Variants in CASZ1 observed in about 807,000 individuals in gnomAD.
CASZ1 encodes the protein zinc finger protein castor homolog 1.
In CASZ1, 28 loss-of-function variants were observed where a neutral mutation model predicts 135.2. That is an observed-to-expected ratio of 0.21 (90% CI 0.15 to 0.28). The LOEUF (loss-of-function observed/expected upper bound fraction) is 0.28, where lower values mean the gene tolerates loss of function less well. Ranked by LOEUF, CASZ1 falls within the 10% of genes least tolerant of loss-of-function variation. CASZ1 has a pLI of 1.00. For missense variants in CASZ1, 2,161 were observed against 2,453.3 expected (o/e 0.88, Z 2.52); for synonymous variants, 1,068 against 1,073.4 (o/e 0.99, Z 0.10).
intron 2 of CASZ1, among the ~76,000 whole-genome samples, chr1:10,743,664 T>TGGGGG (rs146404795): frequency 8.5e-5 from 2 of 23,476 alleles, no homozygotes; most frequent in African/African-American, 2.6e-4. Flanking sequence ...GTCTCCAAAA[T>TGGGGG]GGGGGGGCGG....
chr1:10,661,489 T>C lies in CASZ1; in HGVS notation c.506-953A>G, dbSNP rs1249715371. ...TCTCACACACACACACACGGTCACA[T>C]GCACACAATCACATACAACACACAC... is the stretch of plus-strand genomic sequence containing the variant. On this transcript the variant is annotated intron_variant, in intron 5 of 20. Coordinates refer to ENST00000377022, the MANE Select transcript of CASZ1 (RefSeq NM_001079843.3). 3 of 148,434 alleles carry C rather than the reference T, an allele frequency of 2.0e-5. No individual in the cohort carries two copies. The East Asian group carries it at 5.8e-4, about 29-fold the overall frequency. The allele number at this position is 148,434 out of a possible 1,614,324, so 9.2% of individuals were successfully genotyped here.
At position 10,699,532 on chromosome 1, in the gene CASZ1, A is replaced by G. The variant is rs1373428979; in HGVS notation, c.-23-5620T>C. ...TGGCAGATCCAGGACAGTCGGCAGA[A>G]GTCTTGCTGGCAGCCCAGCACCCAG... is the stretch of plus-strand genomic sequence containing the variant. On this transcript the variant is annotated intron_variant, in intron 3 of 20. Coordinates refer to ENST00000377022, the MANE Select transcript of CASZ1 (RefSeq NM_001079843.3). This position sits in a 1 kb window ranked among gnomAD's most constrained non-coding sequence, Gnocchi z 4.6. Among the ~76,000 whole-genome samples, 1 of 152,226 alleles carries G rather than the reference A, an allele frequency of 6.6e-6. No individual in the cohort carries two copies. The highest frequency in any genetic ancestry group is 2.4e-5 in the African/African-American group (1 of 41,454).
At chr1:10,702,295 G>T (rs187833609) in intron 3 of CASZ1, among the ~76,000 whole-genome samples, 4 of 152,134 alleles carry the variant, frequency 2.6e-5, no homozygotes, top group Non-Finnish European at 5.9e-5. Flanking sequence ...CAAGGAGCGC[G>T]CCCAGCTTCC....
rs74052201 is a variant in CASZ1, at chr1:10,787,058, G to A, written c.-234+9506C>T. Among the ~76,000 whole-genome samples, 415 of 152,252 alleles carry A rather than the reference G, an allele frequency of 2.7e-3. 2 individuals are homozygous for A. Among genetic ancestry groups the A allele is most frequent in the African/African-American group, 9.5e-3 (393 of 41,544 alleles). ...CAATGCCAACCATGATAAATTCTTC[G>A]TTACGTTTAATTACTTTAAAAAGGA... On this transcript the variant is annotated intron_variant, in intron 1 of 20. Coordinates refer to ENST00000377022, the MANE Select transcript of CASZ1 (RefSeq NM_001079843.3).
Position 10,719,119 on chromosome 1 carries a change from T to C in CASZ1, c.-76-13575A>G, listed in dbSNP as rs749653293. Reference sequence around the variant, plus strand: ...TTAGTGGAGGTGGGGTTTCCAACCATGTTGGCCAGACTAGTCTCGAACTCC... The same window carrying C: ...TTAGTGGAGGTGGGGTTTCCAACCACGTTGGCCAGACTAGTCTCGAACTCC... On this transcript the variant is annotated intron_variant, in intron 2 of 20. Transcript: ENST00000377022. This position sits in a 1 kb window ranked among gnomAD's most constrained non-coding sequence, Gnocchi z 4.0. 3.9e-5 allele frequency among the ~76,000 whole-genome samples: 6 copies of C among 152,058 alleles called. No individual in the cohort carries two copies. Among genetic ancestry groups the C allele is most frequent in the Non-Finnish European group, 5.9e-5 (4 of 68,002 alleles).
chr1:10,742,944 C>T (rs986919129), intron 2 of CASZ1, among the ~76,000 whole-genome samples: 41 of 152,004 alleles, frequency 2.7e-4, no homozygotes, highest in African/African-American at 9.2e-4. Flanking sequence ...GAGATCACGC[C>T]ACTGCACTCC....
At chr1:10,729,723 C>T (rs977280921) in intron 2 of CASZ1, among the ~76,000 whole-genome samples, 4 of 152,262 alleles carry the variant, frequency 2.6e-5, no homozygotes, top group Non-Finnish European at 5.9e-5. Context: ...GAACTGCCGG[C>T]GTCCCGGCAC....
rs2100498845 is a variant in CASZ1 at position 10,727,288 on chromosome 1, G to C, written c.-76-21744C>G. ...ATAAGGCACCTGCTGTTTGAGCCCA[G>C]CCCCAGCCCCCACTCCAGGTCATCG... is the stretch of plus-strand genomic sequence containing the variant. On this transcript the variant is annotated intron_variant, in intron 2 of 20. Coordinates refer to ENST00000377022, the MANE Select transcript of CASZ1 (RefSeq NM_001079843.3). The surrounding 1 kb of genome is among the most constrained non-coding windows in gnomAD (Gnocchi z 5.3). Among the ~76,000 whole-genome samples, 1 of 152,170 alleles carries C rather than the reference G, an allele frequency of 6.6e-6. No homozygotes were observed. The highest frequency in any genetic ancestry group is 2.1e-4 in the South Asian group (1 of 4,824).
chr1:10,790,670 G>A (rs1430455861), intron 1 of CASZ1, among the ~76,000 whole-genome samples: 4 of 152,124 alleles, frequency 2.6e-5, no homozygotes, highest in African/African-American at 4.8e-5. Context: ...TTTGAACTTC[G>A]TTCAGATGGT....
intron 1 of CASZ1, among the ~76,000 whole-genome samples, chr1:10,795,901 G>A (rs1324566012): frequency 1.3e-5 from 2 of 152,074 alleles, no homozygotes; most frequent in Non-Finnish European, 2.9e-5. Flanking sequence ...ACCTCTGCTG[G>A]CAGCACCTAC....
intron 4 of CASZ1, among the ~76,000 whole-genome samples, chr1:10,691,004 C>T (rs570523158): frequency 7.2e-5 from 11 of 152,212 alleles, no homozygotes; most frequent in Non-Finnish European, 1.3e-4. Flanking sequence ...TCCCCTCCCC[C>T]CTTCCCGCTC....
rs1429464365 is a variant in CASZ1 at position 10,639,147 on chromosome 1, TCGTCTTCGG to T, written c.5066_5074del (p.Ala1689_Asp1691del). 9.1e-7 allele frequency: 1 copy of T among 1,100,700 alleles called. No homozygotes were observed. The allele number at this position is 1,100,700 out of a possible 1,614,324, so 68.2% of individuals were successfully genotyped here. On this transcript the variant is annotated inframe_deletion, in exon 21 of 21. Coordinates refer to ENST00000377022, the MANE Select transcript of CASZ1 (RefSeq NM_001079843.3). The surrounding 1 kb of genome is among the most constrained non-coding windows in gnomAD (Gnocchi z 4.0). ...GTCCTCGTCGTCGTCCTCGTCCTCG[TCGTCTTCGG>T]CCTCCTCCTCCGGCAGCTCCAGCTC...
In CASZ1 at chr1:10,646,394, C is replaced by T. The variant is rs1379244438; in HGVS notation, c.3498-68G>A. The T allele has an allele frequency of 8.6e-6, 13 of 1,511,264 alleles. No homozygotes were observed. In the Admixed American group the frequency reaches 2.3e-4, roughly 27 times the overall value. The allele number at this position is 1,511,264 out of a possible 1,614,324, so 93.6% of individuals were successfully genotyped here. On this transcript the variant is annotated intron_variant, in intron 16 of 20. Transcript: ENST00000377022. The surrounding 1 kb of genome is among the most constrained non-coding windows in gnomAD (Gnocchi z 6.4). ...GCCCTCCCTGCTGGTGTCCTGACTTCACTTGTGTTGGAGTTCACTCCCCCA... is the reference window on the plus strand; with the variant it reads ...GCCCTCCCTGCTGGTGTCCTGACTTTACTTGTGTTGGAGTTCACTCCCCCA...
At chr1:10,722,636 A>G (rs1639521576) in intron 2 of CASZ1, among the ~76,000 whole-genome samples, 1 of 152,260 alleles carries the variant, frequency 6.6e-6, no homozygotes, top group Non-Finnish European at 1.5e-5. Flanking sequence ...GGGGCAGCTA[A>G]GAGGCAGGTA....
rs116248038 is a variant in CASZ1 at position 10,776,824 on chromosome 1, C to T, written c.-233-15967G>A. ...ATCTTGGGAGGTGGCTGCTTGCCAGCGATGGAGATGGGGCTAGAACCACCT... is the reference window on the plus strand; with the variant it reads ...ATCTTGGGAGGTGGCTGCTTGCCAGTGATGGAGATGGGGCTAGAACCACCT... On this transcript the variant is annotated intron_variant, in intron 1 of 20. Coordinates refer to ENST00000377022, the MANE Select transcript of CASZ1 (RefSeq NM_001079843.3). This position sits in a 1 kb window ranked among gnomAD's most constrained non-coding sequence, Gnocchi z 4.1. 8.0e-4 allele frequency among the ~76,000 whole-genome samples: 122 copies of T among 152,268 alleles called. 1 individual carries two copies. The highest frequency in any genetic ancestry group is 1.2e-3 in the Non-Finnish European group (84 of 68,018).
intron 1 of CASZ1, among the ~76,000 whole-genome samples, chr1:10,771,079 A>G (rs528315033): frequency 6.6e-6 from 1 of 152,354 alleles, no homozygotes; most frequent in African/African-American, 2.4e-5. Flanking sequence ...TGAAGGCAGA[A>G]GCCCCAGCAA....
chr1:10,683,790 C>T (rs1638501323), intron 4 of CASZ1, among the ~76,000 whole-genome samples: 1 of 152,182 alleles, frequency 6.6e-6, no homozygotes. Flanking sequence ...AGGCTTTCCC[C>T]CAGAAGCTCA....
chr1:10,652,075 T>A (rs1642610980), intron 11 of CASZ1: 1 of 152,152 alleles, frequency 6.6e-6, no homozygotes, highest in South Asian at 2.1e-4. Flanking sequence ...CTGTGAGAGT[T>A]TTCAGACCTT....
intron 13 of CASZ1, 61 bp from the exon 14 acceptor site, chr1:10,649,498 T>TG: frequency 6.5e-7 from 1 of 1,529,144 alleles, no homozygotes. Flanking sequence ...CACGGCAGCC[T>TG]GGGGAGCAAC....
Sources: allele counts gnomAD v4.1 joint callset (sites outside exome capture counted in the v4.1 genomes callset), GRCh38; gene constraint gnomAD v4.1.1; non-coding constraint Gnocchi (gnomAD v3.1); transcripts MANE v1.5; gene names NCBI Gene and HGNC (gene_info 2026-07-23, HGNC 2026-07-21).